GRIK2: variants seen among roughly 807,000 people sequenced by gnomAD.
GRIK2 encodes glutamate receptor ionotropic, kainate 2.
A neutral mutation model predicts 100.3 loss-of-function variants in GRIK2; 32 were observed. That is an observed-to-expected ratio of 0.32 (90% CI 0.24 to 0.43). The LOEUF (loss-of-function observed/expected upper bound fraction) is 0.43. Among genes scored for constraint, GRIK2 ranks in the 20% least tolerant of loss-of-function variants. The pLI is 1.00. For missense variants in GRIK2, 843 were observed against 1,114.9 expected, an observed-to-expected ratio of 0.76 and a Z score of 3.47; for synonymous variants, 417 against 389.4, an observed-to-expected ratio of 1.07 and a Z score of -0.83.
chr6:101,567,363 A>T (rs187219073), intron 2 of GRIK2, among the ~76,000 whole-genome samples: 1 of 152,070 alleles, frequency 6.6e-6, no homozygotes, highest in African/African-American at 2.4e-5. Flanking sequence ...TTACAAGATA[A>T]ATGCCATATT....
At chr6:101,598,143 C>T (rs777648703) in intron 2 of GRIK2, among the ~76,000 whole-genome samples, 5 of 151,408 alleles carry the variant, frequency 3.3e-5, no homozygotes, top group Non-Finnish European at 7.4e-5. Flanking sequence ...GGATAATGCT[C>T]TCTCTCTTTC....
At chr6:101,759,020 T>G (rs1251320490) in intron 7 of GRIK2, among the ~76,000 whole-genome samples, 1 of 152,194 alleles carries the variant, frequency 6.6e-6, no homozygotes, top group Non-Finnish European at 1.5e-5. Flanking sequence ...CCAGTCTTCT[T>G]TTTGTAATAT....
At chr6:101,906,366 C>CTGTGTGTGTGTGTGTCTG (rs1554283803) in intron 12 of GRIK2, among the ~76,000 whole-genome samples, 2 of 145,836 alleles carry the variant, frequency 1.4e-5, no homozygotes, top group Non-Finnish European at 3.0e-5. Context: ...AAAACAAGAT[C>CTGTGTGTGTGTGTGTCTG]TGTGTGTGTG....
chr6:101,618,956 A>G (rs1358611052), intron 2 of GRIK2, among the ~76,000 whole-genome samples: 1 of 150,040 alleles, frequency 6.7e-6, no homozygotes, highest in East Asian at 1.9e-4. Context: ...TTTCCAAAAA[A>G]GTATTTTTAA....
chr6:101,850,911 C>A (rs767677254), intron 10 of GRIK2, among the ~76,000 whole-genome samples: 3 of 151,836 alleles, frequency 2.0e-5, no homozygotes, highest in Non-Finnish European at 4.4e-5. Flanking sequence ...TCTTCTCTTA[C>A]GTGAGGTTAT....
chr6:101,423,970 G>A (rs1218941123), intron 2 of GRIK2, among the ~76,000 whole-genome samples: 1 of 152,150 alleles, frequency 6.6e-6, no homozygotes, highest in Non-Finnish European at 1.5e-5. Context: ...TAAGGTAGCT[G>A]TGGGAGTGGT....
intron 7 of GRIK2, among the ~76,000 whole-genome samples, chr6:101,707,558 ATATATGTATATATGTGTATGTG>A (rs1196010919): frequency 9.3e-6 from 1 of 108,106 alleles, no homozygotes; most frequent in Non-Finnish European, 1.6e-5. Context: ...ATATGTGTAT[ATATATGTATATATGTGTATGTG>A]TGTGTGTGTG....
At chr6:101,924,466 A>C (rs1241448139) in intron 12 of GRIK2, 135 bp from the exon 13 acceptor site, 1 of 623,770 alleles carries the variant, frequency 1.6e-6, no homozygotes, top group African/African-American at 1.8e-5. Flanking sequence ...CGTATATGAA[A>C]TCTTGTAAAA....
chr6:101,900,419 G>A (rs1466515093), intron 12 of GRIK2, among the ~76,000 whole-genome samples: 4 of 152,090 alleles, frequency 2.6e-5, no homozygotes, highest in East Asian at 3.9e-4. Flanking sequence ...AGCCGAGATC[G>A]TGAGCCGAGA....
At chr6:101,952,992 T>G (rs533492733) in intron 14 of GRIK2, among the ~76,000 whole-genome samples, 1 of 152,344 alleles carries the variant, frequency 6.6e-6, no homozygotes, top group African/African-American at 2.4e-5. Flanking sequence ...CTAATCTGCT[T>G]CTGACTATAA....
chr6:101,740,711 G>A (rs559615993), intron 7 of GRIK2, among the ~76,000 whole-genome samples: 2 of 152,310 alleles, frequency 1.3e-5, no homozygotes, highest in East Asian at 3.9e-4. Context: ...TCTGCTTCTT[G>A]TGAGGACCTC....
At position 102,004,781 on chromosome 6, in the gene GRIK2, G is replaced by T. The variant is rs534847253; in HGVS notation, c.2086-30560G>T. ...TATAATGTGCCTACTATGAAGGAGA[G>T]AAATGTATTTATATAGAATAGCTTT... On this transcript the variant is annotated intron_variant, in intron 14 of 16. Coordinates refer to ENST00000369134, the MANE Select transcript of GRIK2 (RefSeq NM_021956.5). 5.9e-5 allele frequency among the ~76,000 whole-genome samples: 9 copies of T among 151,946 alleles called. No individual in the cohort carries two copies. In the South Asian group the frequency reaches 1.0e-3, roughly 17 times the overall value.
At chr6:102,006,973 G>A (rs559886635) in intron 14 of GRIK2, among the ~76,000 whole-genome samples, 52 of 152,046 alleles carry the variant, frequency 3.4e-4, no homozygotes, top group Non-Finnish European at 6.9e-4. Context: ...ACCCTTTTCA[G>A]TAATTTAGAA....
chr6:101,573,771 A>G (rs966807689), intron 2 of GRIK2, among the ~76,000 whole-genome samples: 2 of 152,104 alleles, frequency 1.3e-5, no homozygotes, highest in African/African-American at 4.8e-5. Context: ...CTGTAAATAC[A>G]AATAAGCCTT....
At position 101,781,763 on chromosome 6, in the gene GRIK2, C is replaced by T. The variant is rs566293915; in HGVS notation, c.952-17885C>T. Among the ~76,000 whole-genome samples, 37 of 151,874 alleles carry T rather than the reference C, an allele frequency of 2.4e-4. No homozygotes were observed. The South Asian group carries it at 7.3e-3, about 30-fold the overall frequency. ...CATATGTTCAGAAATCTATTTTTTT[C>T]ATGAAATTGTTCCTAGTTAATATTA... On this transcript the variant is annotated intron_variant, in intron 7 of 16. Transcript: ENST00000369134.
intron 12 of GRIK2, among the ~76,000 whole-genome samples, chr6:101,892,116 G>A (rs557237026): frequency 5.9e-5 from 9 of 152,032 alleles, no homozygotes; most frequent in African/African-American, 1.4e-4. Flanking sequence ...AAGCCTAGAC[G>A]AAAGTGTCAT....
chr6:101,507,226 T>C (rs955377006), intron 2 of GRIK2, among the ~76,000 whole-genome samples: 1 of 152,134 alleles, frequency 6.6e-6, no homozygotes, highest in East Asian at 1.9e-4. Flanking sequence ...TGTTTTTATA[T>C]TAACCAAAAA....
rs142768436 is a variant in GRIK2, at chr6:101,747,013, A to C, written c.952-52635A>C. 3.3e-3 allele frequency among the ~76,000 whole-genome samples: 496 copies of C among 152,288 alleles called. 4 individuals are homozygous for C. Among genetic ancestry groups the C allele is most frequent in the African/African-American group, 0.01 (423 of 41,560 alleles). ...TAATATTATTTTTATTTTCCCATAA[A>C]TTTTATGTTTAAATCTTCTGAATTA... On this transcript the variant is annotated intron_variant, in intron 7 of 16. Transcript: ENST00000369134.
chr6:101,453,330 G>A (rs927852275), intron 2 of GRIK2, among the ~76,000 whole-genome samples: 17 of 151,556 alleles, frequency 1.1e-4, no homozygotes, highest in Non-Finnish European at 2.2e-4. Flanking sequence ...TTGCTTTAAT[G>A]CTGCCAGCCT....
Sources: allele counts gnomAD v4.1 joint callset (sites outside exome capture counted in the v4.1 genomes callset), GRCh38; gene constraint gnomAD v4.1.1; transcripts MANE v1.5; gene names NCBI Gene and HGNC (gene_info 2026-07-23, HGNC 2026-07-21).